Variants in TCTN1 observed in about 807,000 individuals in gnomAD.
TCTN1 encodes tectonic family member 1, also known as tectonic-1.
In TCTN1, 58 loss-of-function variants were observed where a neutral mutation model predicts 65.8. The ratio of observed to expected loss-of-function variants is 0.88; its 90% CI spans 0.71 to 1.10. The LOEUF (loss-of-function observed/expected upper bound fraction) is 1.10. TCTN1 is among the 50% of genes least tolerant of loss of function. The pLI, the probability that TCTN1 is intolerant of heterozygous loss-of-function variation, is 0.00. For missense variants in TCTN1, 645 were observed against 719.4 expected (o/e 0.90, Z 1.18); for synonymous variants, 273 against 289.1 (o/e 0.94, Z 0.57).
Position 110,620,107 on chromosome 12 carries a change from T to C in TCTN1, c.341+151T>C, listed in dbSNP as rs1382339962. 3 of 1,230,320 alleles carry C rather than the reference T, an allele frequency of 2.4e-6. No individual in the cohort carries two copies. The East Asian group carries it at 7.2e-5, about 30-fold the overall frequency. The allele number at this position is 1,230,320 out of a possible 1,614,324, so 76.2% of individuals were successfully genotyped here. A position where few individuals can be genotyped will look rare whatever the true frequency, so the allele number is the denominator to read the frequency against. On this transcript the variant is annotated intron_variant, in intron 2 of 14. Coordinates refer to ENST00000397659, the MANE Select transcript of TCTN1 (RefSeq NM_001082538.3). The stretch of plus-strand genomic sequence containing the variant: ...AAGCCATACCGTCCAAACAAATATG[T>C]AAAAAAGTAGCTATCCCTGGCAGGG...
rs1418988725 is a variant in TCTN1 at position 110,640,134 on chromosome 12, G to T, written c.844-249G>T. Among the ~76,000 whole-genome samples the T allele has an allele frequency of 2.6e-5, 4 of 152,166 alleles. No individual in the cohort carries two copies. Among genetic ancestry groups the T allele is most frequent in the Non-Finnish European group, 5.9e-5 (4 of 68,028 alleles). On this transcript the variant is annotated intron_variant, in intron 7 of 14. Transcript: ENST00000397659. The surrounding 1 kb of genome is among the most constrained non-coding windows in gnomAD (Gnocchi z 4.9). ...TGTGAACATTTGTGTACAAGTTTTTGTGTAAACTTTATGTTTTCAGAGGTA... is the reference window on the plus strand; with the variant it reads ...TGTGAACATTTGTGTACAAGTTTTTTTGTAAACTTTATGTTTTCAGAGGTA...
chr12:110,638,914 C>T (rs909911199), intron 7 of TCTN1, among the ~76,000 whole-genome samples: 7 of 152,172 alleles, frequency 4.6e-5, no homozygotes, highest in African/African-American at 1.7e-4. Context: ...CCCCTTGGTG[C>T]GGCATGTTAT....
chr12:110,630,631 G>A (rs2066170150), intron 4 of TCTN1, among the ~76,000 whole-genome samples: 1 of 152,116 alleles, frequency 6.6e-6, no homozygotes. Context: ...TATTCATACT[G>A]CAAATCACTT....
intron 7 of TCTN1, among the ~76,000 whole-genome samples, chr12:110,638,400 CA>C (rs1366589615): frequency 2.0e-5 from 3 of 152,172 alleles, no homozygotes; most frequent in Non-Finnish European, 4.4e-5. Flanking sequence ...GTTAGAGGAT[CA>C]GGAGTATAGA....
chr12:110,618,822 A>C (rs1409888073), intron 1 of TCTN1, among the ~76,000 whole-genome samples: 1 of 152,178 alleles, frequency 6.6e-6, no homozygotes, highest in African/African-American at 2.4e-5. Flanking sequence ...AGAGAATTAA[A>C]AATCCAGATA....
intron 4 of TCTN1, 133 bp downstream of exon 4, chr12:110,629,051 C>T (rs764705409): frequency 4.2e-6 from 4 of 949,710 alleles, no homozygotes; most frequent in Non-Finnish European, 6.4e-6. Context: ...ACTTAATGTT[C>T]ATGCCTACAA....
At chr12:110,627,238 C>T (rs1233334537) in intron 3 of TCTN1, among the ~76,000 whole-genome samples, 3 of 151,752 alleles carry the variant, frequency 2.0e-5, no homozygotes, top group Non-Finnish European at 4.4e-5. Flanking sequence ...GCTGAGATTA[C>T]AGGTACCTGC....
Position 110,642,317 on chromosome 12 carries a change from A to G in TCTN1, c.1259A>G (p.Asp420Gly). ...LTILHSTTEQ[D>G]CLALEGVRTP... The stretch of plus-strand genomic sequence containing the variant: ...ATTCTTCATAGCACAACTGAGCAAG[A>G]CTGCTTAGCACTGGAGGGGGTCCGG... The change falls in exon 11 of 15, where the codon GAC becomes GGC. Residue 420 changes from aspartate to glycine, a missense_variant. Physicochemically the swap from Asp to Gly is moderately conservative, Grantham distance 94 (BLOSUM62 -1). Transcript: ENST00000397659. 6.2e-7 allele frequency: 1 copy of G among 1,614,232 alleles called. No individual in the cohort carries two copies. The highest frequency in any genetic ancestry group is 8.5e-7 in the Non-Finnish European group (1 of 1,180,034).
chr12:110,632,196 G>T (rs959741908), intron 4 of TCTN1, among the ~76,000 whole-genome samples: 1 of 152,196 alleles, frequency 6.6e-6, no homozygotes, highest in Non-Finnish European at 1.5e-5. Context: ...GTCTGCAGAG[G>T]CAGATCGTTA....
At chr12:110,647,624 C>A in intron 13 of TCTN1, 125 bp from the exon 14 acceptor site, 1 of 1,442,292 alleles carries the variant, frequency 6.9e-7, no homozygotes, top group Non-Finnish European at 9.7e-7. Flanking sequence ...CCAATTAGTG[C>A]TCCAGGACCT....
At position 110,640,562 on chromosome 12, in the gene TCTN1, A is replaced by G. The variant is rs572865592; in HGVS notation, c.978+45A>G. The G allele has an allele frequency of 1.2e-6, 2 of 1,613,674 alleles. No individual in the cohort carries two copies. Among genetic ancestry groups the G allele is most frequent in the Admixed American group, 1.7e-5 (1 of 60,018 alleles). Reference sequence around the variant, plus strand: ...TTGAGAGCTTGTCTGTGGCAGACTTAAGCCTCTTGTTGCGCCGGGGTAACT... The same window carrying G: ...TTGAGAGCTTGTCTGTGGCAGACTTGAGCCTCTTGTTGCGCCGGGGTAACT... On this transcript the variant is annotated intron_variant, in intron 8 of 14. Coordinates refer to ENST00000397659, the MANE Select transcript of TCTN1 (RefSeq NM_001082538.3). The surrounding 1 kb of genome is among the most constrained non-coding windows in gnomAD (Gnocchi z 4.9).
chr12:110,617,166 C>T (rs1206651930), intron 1 of TCTN1, among the ~76,000 whole-genome samples: 1 of 152,114 alleles, frequency 6.6e-6, no homozygotes, highest in Non-Finnish European at 1.5e-5. Context: ...CATTAGCGTG[C>T]ATAAGTTGTG....
chr12:110,614,219 C>T lies in TCTN1; in HGVS notation c.37C>T (p.Leu13Phe), dbSNP rs762387258. ...PRGLPPLLVVLLGCWASVSAQ... is the reference protein window; with the variant it reads ...PRGLPPLLVVFLGCWASVSAQ... ...AGGTCTCCCGCCGCTCCTGGTGGTG[C>T]TCCTGGGCTGCTGGGCCTCCGTGAG... The change falls in exon 1 of 15, where the codon CTC (leucine) becomes TTC (phenylalanine). Residue 13 changes from leucine (L) to phenylalanine (F), a missense_variant. Physicochemically the swap from Leu to Phe is conservative, Grantham distance 22 (BLOSUM62 0). Coordinates refer to ENST00000397659, the MANE Select transcript of TCTN1 (RefSeq NM_001082538.3). 1.8e-5 allele frequency: 29 copies of T among 1,584,634 alleles called. No individual in the cohort carries two copies. Among genetic ancestry groups the T allele is most frequent in the Non-Finnish European group, 2.3e-5 (27 of 1,166,348 alleles).
At position 110,614,405 on chromosome 12, in the gene TCTN1, G is replaced by A. The variant is rs983726819; in HGVS notation, c.220+3G>A. ...CAGGCCTACCCCAGTCACGGACGGT[G>A]GGTACCATGTGCCAGCTCCTGGAGT... On this transcript the variant is annotated splice_donor_region_variant and intron_variant, in intron 1 of 14. Transcript: ENST00000397659. 1 of 1,591,726 alleles carries A rather than the reference G, an allele frequency of 6.3e-7. No homozygotes were observed. The highest frequency in any genetic ancestry group is 1.8e-5 in the Admixed American group (1 of 56,848).
chr12:110,629,220 G>A (rs2066059612), intron 4 of TCTN1: 4 of 469,716 alleles, frequency 8.5e-6, no homozygotes, highest in Non-Finnish European at 1.5e-5. Context: ...CAAAAGCAAT[G>A]GCAACAAAAG....
rs114568905 is a variant in TCTN1, at chr12:110,645,022, T to G, written c.1387T>G (p.Trp463Gly). Residue 463 changes from tryptophan (W) to glycine (G), a missense_variant, in exon 12 of 15, where the codon TGG (tryptophan) becomes GGG (glycine). Trp to Gly is a radical substitution (Grantham distance 184). Transcript: ENST00000397659. ...AGCACAGAAGGTGAAGAGCCTGCTGTGGGGCCAGGGCTTCCCAGATTACGT... is the reference window on the plus strand; with the variant it reads ...AGCACAGAAGGTGAAGAGCCTGCTGGGGGGCCAGGGCTTCCCAGATTACGT... ...LVAQKVKSLL[W>G]GQGFPDYVAP... 6.2e-7 allele frequency: 1 copy of G among 1,614,114 alleles called. No individual in the cohort carries two copies. Among genetic ancestry groups the G allele is most frequent in the Non-Finnish European group, 8.5e-7 (1 of 1,180,054 alleles).
intron 3 of TCTN1, among the ~76,000 whole-genome samples, chr12:110,627,151 G>A (rs1355711387): frequency 7.0e-6 from 1 of 142,820 alleles, no homozygotes; most frequent in African/African-American, 2.6e-5. Flanking sequence ...AGGTTGGAAA[G>A]CAGTGGCACG....
rs758068905 is a variant in TCTN1, at chr12:110,628,936, T to C, written c.624+18T>C. 1.9e-6 allele frequency: 3 copies of C among 1,612,932 alleles called. No individual in the cohort carries two copies. In the African/African-American group the frequency reaches 4.0e-5, roughly 22 times the overall value. On this transcript the variant is annotated intron_variant, in intron 4 of 14. Coordinates refer to ENST00000397659, the MANE Select transcript of TCTN1 (RefSeq NM_001082538.3). The stretch of plus-strand genomic sequence containing the variant: ...AATATGAGGTGAGCCTGAACTTGAT[T>C]GATTCTTTTCATCCCATCACAAATA...
At position 110,628,749 on chromosome 12, in the gene TCTN1, G is replaced by GT. The variant is rs771463400; in HGVS notation, c.473-10dup. 328 of 1,579,872 alleles carry GT rather than the reference G, an allele frequency of 2.1e-4. No individual in the cohort carries two copies. The highest frequency in any genetic ancestry group is 7.0e-4 in the Middle Eastern group (4 of 5,708). ...ATATTTTATACCGATTTAAAATACT[G>GT]TTTTTTTTAAAAAACAGATAAACCT... On this transcript the variant is annotated splice_polypyrimidine_tract_variant and intron_variant, in intron 3 of 14. Transcript: ENST00000397659.
Sources: gnomAD v4.1 joint callset for allele counts (sites outside exome capture counted in the v4.1 genomes callset) on GRCh38, gnomAD v4.1.1 for gene constraint, Gnocchi (gnomAD v3.1) non-coding constraint, MANE v1.5 for transcripts, NCBI Gene and HGNC (gene_info 2026-07-23, HGNC 2026-07-21) for gene names.